HLCS: variants seen among roughly 807,000 people sequenced by gnomAD.
HLCS encodes the protein holocarboxylase synthetase.
HLCS carries 53 observed loss-of-function variants against 75.0 expected under a neutral mutation model. The observed-to-expected ratio is 0.71, with a 90% confidence interval of 0.57 to 0.89. The LOEUF is 0.89. Ranked by LOEUF, HLCS falls within the 40% of genes least tolerant of loss-of-function variation. The pLI is 0.00. For missense variants in HLCS, 966 were observed against 1,074.0 expected (o/e 0.90, Z 1.41); for synonymous variants, 431 against 428.6 (o/e 1.01, Z -0.07).
intron 8 of HLCS, among the ~76,000 whole-genome samples, chr21:36,761,958 A>G (rs2089863088): frequency 6.6e-6 from 1 of 152,228 alleles, no homozygotes; most frequent in East Asian, 1.9e-4. Flanking sequence ...TCATGGCTTC[A>G]GATCTCCTCG....
intron 6 of HLCS, among the ~76,000 whole-genome samples, chr21:36,819,692 G>A (rs1350340930): frequency 6.6e-6 from 1 of 152,064 alleles, no homozygotes; most frequent in African/African-American, 2.4e-5. Context: ...AACAACTGAG[G>A]CTCAGAGAGG....
intron 6 of HLCS, among the ~76,000 whole-genome samples, chr21:36,884,251 C>A (rs1183003982): frequency 6.6e-6 from 1 of 152,238 alleles, no homozygotes; most frequent in East Asian, 1.9e-4. Flanking sequence ...AGAAGGTTTG[C>A]ATCTTCTGCA....
chr21:36,764,493 C>A (rs1207442106), intron 8 of HLCS, among the ~76,000 whole-genome samples: 5 of 152,126 alleles, frequency 3.3e-5, no homozygotes, highest in Admixed American at 3.3e-4. Flanking sequence ...TGCTTGAGCT[C>A]AGGACTTCAA....
chr21:36,766,396 G>C (rs2090034853), intron 7 of HLCS, among the ~76,000 whole-genome samples: 1 of 148,970 alleles, frequency 6.7e-6, no homozygotes, highest in African/African-American at 2.6e-5. Context: ...AGTTCTTCTT[G>C]AATGTCTTTT....
intron 6 of HLCS, among the ~76,000 whole-genome samples, chr21:36,895,380 C>T (rs2064971257): frequency 6.6e-6 from 1 of 152,192 alleles, no homozygotes; most frequent in African/African-American, 2.4e-5. Flanking sequence ...AAAGAACAGG[C>T]TTTTTCCTTT....
At chr21:36,916,186 C>A (rs2065919490) in intron 5 of HLCS, among the ~76,000 whole-genome samples, 1 of 152,022 alleles carries the variant, frequency 6.6e-6, no homozygotes, top group Non-Finnish European at 1.5e-5. Flanking sequence ...TTCCAAGTCA[C>A]GATACTTGGG....
intron 6 of HLCS, among the ~76,000 whole-genome samples, chr21:36,802,214 G>A (rs62223783): frequency 2.1e-4 from 32 of 152,252 alleles, no homozygotes; most frequent in East Asian, 3.9e-4. Context: ...TTGGGATGCC[G>A]CCATTTTCCC....
chr21:36,882,106 C>G (rs1216817720), intron 6 of HLCS, among the ~76,000 whole-genome samples: 1 of 151,954 alleles, frequency 6.6e-6, no homozygotes, highest in Non-Finnish European at 1.5e-5. Flanking sequence ...CACGGTGAAA[C>G]CCCGTCTCTA....
At chr21:36,775,611 G>A (rs1485695732) in intron 6 of HLCS, among the ~76,000 whole-genome samples, 1 of 152,218 alleles carries the variant, frequency 6.6e-6, no homozygotes, top group Non-Finnish European at 1.5e-5. Context: ...CAGACTATCT[G>A]TCCCCACTCC....
chr21:36,961,971 A>AT, intron 2 of HLCS, 65 bp downstream of exon 2: 2 of 1,093,492 alleles, frequency 1.8e-6, no homozygotes, highest in Non-Finnish European at 2.4e-6. Flanking sequence ...AAAAAAAAAA[A>AT]GCAAATTTGG....
chr21:36,765,252 A>C, intron 7 of HLCS, 80 bp from the exon 8 acceptor site: 1 of 1,295,312 alleles, frequency 7.7e-7, no homozygotes, highest in South Asian at 1.2e-5. Context: ...AGGGCCACAC[A>C]CTCAAATAAA....
At chr21:36,989,661 A>T (rs1219629238) in intron 1 of HLCS, among the ~76,000 whole-genome samples, 1 of 151,330 alleles carries the variant, frequency 6.6e-6, no homozygotes, top group African/African-American at 2.4e-5. Flanking sequence ...ATTATGTATC[A>T]GTCTTTTTTT....
chr21:36,927,534 C>T (rs2066461258), intron 5 of HLCS, among the ~76,000 whole-genome samples: 1 of 152,194 alleles, frequency 6.6e-6, no homozygotes, highest in Non-Finnish European at 1.5e-5. Flanking sequence ...CGCAGTAAAA[C>T]TATTTAGATA....
chr21:36,918,166 TG>T (rs754883669), intron 5 of HLCS, among the ~76,000 whole-genome samples: 26 of 152,186 alleles, frequency 1.7e-4, no homozygotes, highest in Admixed American at 3.9e-4. Flanking sequence ...TAGCACCCCA[TG>T]GTACACTAAC....
intron 6 of HLCS, among the ~76,000 whole-genome samples, chr21:36,778,843 G>A (rs73210791): frequency 0.038 from 5,855 of 152,120 alleles, 140 homozygotes; most frequent in Middle Eastern, 0.1. Flanking sequence ...TGGCTCCTGG[G>A]TCTTACTGGT....
intron 6 of HLCS, among the ~76,000 whole-genome samples, chr21:36,777,933 T>C (rs1193543054): frequency 6.6e-6 from 1 of 152,228 alleles, no homozygotes; most frequent in Non-Finnish European, 1.5e-5. Context: ...TTAGTATCCA[T>C]GAATGATTCT....
intron 1 of HLCS, among the ~76,000 whole-genome samples, chr21:36,989,973 G>A (rs1166190164): frequency 6.6e-6 from 1 of 152,064 alleles, no homozygotes; most frequent in Non-Finnish European, 1.5e-5. Flanking sequence ...TCCACCGGAA[G>A]CCCCGCCCCC....
At position 36,962,310 on chromosome 21, in the gene HLCS, C is replaced by T. The variant is rs749257732; in HGVS notation, c.196-140G>A. 312 of 481,052 alleles carry T rather than the reference C, an allele frequency of 6.5e-4. 1 individual carries two copies. Among genetic ancestry groups the T allele is most frequent in the Non-Finnish European group, 9.0e-4 (266 of 294,798 alleles). The allele number at this position is 481,052 out of a possible 1,614,324, so 29.8% of individuals were successfully genotyped here. On this transcript the variant is annotated intron_variant, in intron 1 of 10. Coordinates refer to ENST00000674895, the MANE Select transcript of HLCS (RefSeq NM_001352514.2). ...GCTTATCTGATGCTCCTCTGCAGGC[C>T]GCAGGAACCGTGTGTTTCTTGTTTA...
At chr21:36,974,277 A>G (rs1042569042) in intron 1 of HLCS, 1 of 152,312 alleles carries the variant, frequency 6.6e-6, no homozygotes, top group Admixed American at 6.6e-5. Flanking sequence ...CCAACGCCCC[A>G]TGGCGGAACT....
Sources: allele counts gnomAD v4.1 joint callset (sites outside exome capture counted in the v4.1 genomes callset), GRCh38; gene constraint gnomAD v4.1.1; transcripts MANE v1.5; gene names NCBI Gene and HGNC (gene_info 2026-07-23, HGNC 2026-07-21).